Variants in DDX60L observed in about 807,000 individuals in gnomAD.
DDX60L encodes the protein probable ATP-dependent RNA helicase DDX60-like.
DDX60L carries 191 observed loss-of-function variants against 211.6 expected under a neutral mutation model. The ratio of observed to expected loss-of-function variants is 0.90; its 90% confidence interval spans 0.80 to 1.02. DDX60L has a LOEUF of 1.02. Among genes scored for constraint, DDX60L ranks in the 50% least tolerant of loss-of-function variants. The pLI, the probability that DDX60L is intolerant of heterozygous loss-of-function variation, is 0.00. For missense variants in DDX60L, 2,007 were observed against 1,984.1 expected (o/e 1.01, Z -0.22); for synonymous variants, 706 against 694.1 (o/e 1.02, Z -0.27).
intron 36 of DDX60L, among the ~76,000 whole-genome samples, chr4:168,362,967 C>A (rs1215339217): frequency 6.6e-6 from 1 of 152,046 alleles, no homozygotes; most frequent in Admixed American, 6.6e-5. Flanking sequence ...GCTCAAAAGT[C>A]CCCAATTAGT....
At chr4:168,448,918 T>A in intron 8 of DDX60L, 139 bp from the exon 9 acceptor site, 5 of 749,886 alleles carry the variant, frequency 6.7e-6, no homozygotes, top group Non-Finnish European at 1.1e-5. Flanking sequence ...ATATTACAGA[T>A]GGTGATCTAT....
chr4:168,448,870 C>G (rs957953992), intron 8 of DDX60L, 91 bp from the exon 9 acceptor site: 1 of 1,161,600 alleles, frequency 8.6e-7, no homozygotes, highest in African/African-American at 1.5e-5. Context: ...TCACAAGGGA[C>G]ATTTCTGGGT....
chr4:168,435,583 C>T (rs1752924850), intron 10 of DDX60L, among the ~76,000 whole-genome samples: 1 of 152,072 alleles, frequency 6.6e-6, no homozygotes, highest in African/African-American at 2.4e-5. Flanking sequence ...CCTCCTGGTA[C>T]CTGGTACGCA....
At position 168,379,516 on chromosome 4, in the gene DDX60L, A is replaced by G; in HGVS notation, c.4222-12T>C. 1.3e-6 allele frequency: 2 copies of G among 1,538,906 alleles called. No individual in the cohort carries two copies. The highest frequency in any genetic ancestry group is 1.7e-6 in the Non-Finnish European group (2 of 1,146,092). ...TTATTTAAATAGTCCTAAAAATGAG[A>G]AACAAAAAGTTGATTTAACTTGTCA... On this transcript the variant is annotated splice_polypyrimidine_tract_variant and intron_variant, in intron 31 of 37. Transcript: ENST00000682922.
At chr4:168,479,635 C>G (rs1224408577) in intron 1 of DDX60L, among the ~76,000 whole-genome samples, 2 of 152,032 alleles carry the variant, frequency 1.3e-5, no homozygotes, top group East Asian at 1.9e-4. Flanking sequence ...GAACAAAGTA[C>G]CTTTCCAGAG....
At chr4:168,450,081 C>A (rs1755599021) in intron 8 of DDX60L, among the ~76,000 whole-genome samples, 2 of 152,144 alleles carry the variant, frequency 1.3e-5, no homozygotes. Flanking sequence ...GGAGGACTAA[C>A]AAATTAGTCA....
intron 8 of DDX60L, 90 bp downstream of exon 8, chr4:168,453,034 C>T (rs1254085157): frequency 7.7e-7 from 1 of 1,296,944 alleles, no homozygotes; most frequent in Non-Finnish European, 1.0e-6. Context: ...CTAATTAGAT[C>T]TGGCATTATT....
chr4:168,457,452 A>G (rs1232271372), intron 6 of DDX60L, among the ~76,000 whole-genome samples: 1 of 151,874 alleles, frequency 6.6e-6, no homozygotes, highest in African/African-American at 2.4e-5. Flanking sequence ...CAGAAAAAAA[A>G]AAAAAGAAAG....
chr4:168,373,778 TG>T lies in DDX60L; in HGVS notation c.4663del (p.Gln1555AsnfsTer6). On this transcript the variant is annotated frameshift_variant, in exon 35 of 38. Transcript: ENST00000682922. LOFTEE classifies it high-confidence loss of function. ...KFTGKECEDS[Q>X]LVSHLMSCKK... ...GCAGCTCATCAAGTGAGACACGAGT[TG>T]GGAGTCTTCACATTCTTTACCTGTG... 1 of 1,614,048 alleles carries T rather than the reference TG, an allele frequency of 6.2e-7. No homozygotes were observed. The highest frequency in any genetic ancestry group is 8.5e-7 in the Non-Finnish European group (1 of 1,179,930).
At position 168,448,769 on chromosome 4, in the gene DDX60L, C is replaced by T. The variant is rs12507582; in HGVS notation, c.1007G>A (p.Cys336Tyr). 535,825 of 1,591,720 alleles carry T rather than the reference C, an allele frequency of 0.34. 97,546 individuals are homozygous for T. The highest frequency in any genetic ancestry group is 0.65 in the East Asian group (28,864 of 44,336). The part of the protein sequence containing the change: ...SDSFLKMNKW[C>Y]EYFILSNLNV... ...TAAGTTGCTTAAAATGAAATATTCA[C>T]ACCACTTGTTCTGAAAATTAAAAAT... The change falls in exon 9 of 38, where the codon TGT (cysteine) becomes TAT (tyrosine). Residue 336 changes from cysteine (C) to tyrosine (Y), a missense_variant. By Grantham distance (194) the Cys-to-Tyr change is radical. Transcript: ENST00000682922.
chr4:168,373,831 C>T (rs776475597), intron 34 of DDX60L, 23 bp from the exon 35 acceptor site: 10 of 1,606,112 alleles, frequency 6.2e-6, no homozygotes, highest in South Asian at 2.2e-5. Context: ...GACTAGGTCA[C>T]GTTAGGTTTT....
chr4:168,414,053 C>G (rs116716727), intron 22 of DDX60L, among the ~76,000 whole-genome samples: 1,760 of 152,222 alleles, frequency 0.012, 33 homozygotes, highest in African/African-American at 0.038. Context: ...CAGTGGAAAC[C>G]TCACAGGCCA....
At chr4:168,385,461 T>G (rs1306576052) in intron 29 of DDX60L, among the ~76,000 whole-genome samples, 2 of 152,180 alleles carry the variant, frequency 1.3e-5, no homozygotes, top group African/African-American at 4.8e-5. Flanking sequence ...TAAGTGTTTC[T>G]GAGTTCCATG....
intron 22 of DDX60L, among the ~76,000 whole-genome samples, chr4:168,410,517 A>G (rs534077198): frequency 7.9e-5 from 12 of 152,358 alleles, no homozygotes; most frequent in African/African-American, 2.9e-4. Context: ...GAATAAGGAC[A>G]GGATCAGAAT....
intron 6 of DDX60L, 100 bp downstream of exon 6, chr4:168,457,792 G>C: frequency 3.3e-6 from 2 of 600,478 alleles, no homozygotes; most frequent in African/African-American, 1.8e-5. Flanking sequence ...GAGGTATATG[G>C]CACCCTTTAG....
At chr4:168,480,026 G>A (rs1293791366) in intron 1 of DDX60L, among the ~76,000 whole-genome samples, 1 of 150,182 alleles carries the variant, frequency 6.7e-6, no homozygotes, top group African/African-American at 2.4e-5. Context: ...ACGGAAAAAA[G>A]GGAAGCGGCT....
rs75305095 is a variant in DDX60L, at chr4:168,465,687, G to T, written c.265-3647C>A. 6.8e-3 allele frequency among the ~76,000 whole-genome samples: 1,030 copies of T among 152,014 alleles called. 15 individuals carry two copies. Among genetic ancestry groups the T allele is most frequent in the African/African-American group, 0.021 (856 of 41,478 alleles). On this transcript the variant is annotated intron_variant, in intron 4 of 37. Coordinates refer to ENST00000682922, the MANE Select transcript of DDX60L (RefSeq NM_001012967.3). ...GATTTTTTAATATAGTGAAAGTGAG[G>T]GTTCAGTTTCATTTTCCTGCATATG...
intron 36 of DDX60L, among the ~76,000 whole-genome samples, chr4:168,371,131 ACTC>A (rs1372236680): frequency 2.6e-5 from 4 of 151,662 alleles, no homozygotes; most frequent in Admixed American, 6.6e-5. Flanking sequence ...TATTTTATAT[ACTC>A]CTAGAAATCA....
At chr4:168,376,359 G>A (rs1336486224) in intron 33 of DDX60L, among the ~76,000 whole-genome samples, 1 of 152,082 alleles carries the variant, frequency 6.6e-6, no homozygotes, top group Non-Finnish European at 1.5e-5. Context: ...AGACTAAAAT[G>A]GGGCACAAAT....
Sources: allele counts gnomAD v4.1 joint callset (sites outside exome capture counted in the v4.1 genomes callset), GRCh38; gene constraint gnomAD v4.1.1; transcripts MANE v1.5; gene names NCBI Gene and HGNC (gene_info 2026-07-23, HGNC 2026-07-21).